CFAP299: variants seen among roughly 807,000 people sequenced by gnomAD.
CFAP299 encodes the protein cilia and flagella associated protein 299.
A neutral mutation model predicts 27.0 loss-of-function variants in CFAP299; 21 were observed. That is an observed-to-expected ratio of 0.78 (90% confidence interval 0.55 to 1.12). The LOEUF is 1.12. CFAP299 is among the 50% of genes most tolerant of loss of function. The pLI is 0.00. For missense variants in CFAP299, 310 were observed against 276.6 expected, an observed-to-expected ratio of 1.12 and a Z score of -0.86; for synonymous variants, 104 against 98.1, an observed-to-expected ratio of 1.06 and a Z score of -0.36.
chr4:80,921,230 G>C (rs957569127), intron 4 of CFAP299, among the ~76,000 whole-genome samples: 1 of 152,074 alleles, frequency 6.6e-6, no homozygotes, highest in African/African-American at 2.4e-5. Context: ...AGATAAATAA[G>C]ACACAATTCC....
In CFAP299 at chr4:80,530,496, A is replaced by T. The variant is rs1394517239; in HGVS notation, c.243-52597A>T. Among the ~76,000 whole-genome samples, 6 of 152,112 alleles carry T rather than the reference A, an allele frequency of 3.9e-5. 1 individual carries two copies. The highest frequency in any genetic ancestry group is 8.8e-5 in the Non-Finnish European group (6 of 68,016). On this transcript the variant is annotated intron_variant, in intron 2 of 5. Transcript: ENST00000358105. Reference sequence around the variant, plus strand: ...TAAGGCTTTTCATCTTTTCATCTAAACAGTAATGTCTATTAAGTCATTCAA... The same window carrying T: ...TAAGGCTTTTCATCTTTTCATCTAATCAGTAATGTCTATTAAGTCATTCAA...
chr4:80,857,026 C>G (rs1222268808), intron 3 of CFAP299, among the ~76,000 whole-genome samples: 1 of 152,008 alleles, frequency 6.6e-6, no homozygotes, highest in Non-Finnish European at 1.5e-5. Context: ...TTGATTCTTC[C>G]TACCCATGAG....
intron 2 of CFAP299, among the ~76,000 whole-genome samples, chr4:80,565,666 G>A (rs1735244489): frequency 1.3e-5 from 2 of 151,830 alleles, no homozygotes; most frequent in African/African-American, 4.8e-5. Flanking sequence ...ATTTAAAAAT[G>A]ACCTTTTGCA....
At chr4:80,534,273 G>T (rs6850160) in intron 2 of CFAP299, among the ~76,000 whole-genome samples, 1 of 147,926 alleles carries the variant, frequency 6.8e-6, no homozygotes, top group Admixed American at 6.7e-5. Context: ...TTCCTTAAAA[G>T]CGTAAGTTAT....
chr4:80,721,448 C>G (rs1722806388), intron 3 of CFAP299, among the ~76,000 whole-genome samples: 1 of 152,166 alleles, frequency 6.6e-6, no homozygotes, highest in South Asian at 2.1e-4. Flanking sequence ...TTAACATCAT[C>G]TTCCCTCTGT....
At chr4:80,630,050 T>C (rs949611364) in intron 3 of CFAP299, among the ~76,000 whole-genome samples, 2 of 151,990 alleles carry the variant, frequency 1.3e-5, no homozygotes, top group Non-Finnish European at 2.9e-5. Flanking sequence ...GAACTGATCA[T>C]AGGACTGAGA....
chr4:80,809,742 A>T (rs1168743057), intron 3 of CFAP299, among the ~76,000 whole-genome samples: 1 of 152,058 alleles, frequency 6.6e-6, no homozygotes, highest in Non-Finnish European at 1.5e-5. Context: ...CAGGACAGAG[A>T]CCAGGTTTCC....
At chr4:80,572,969 C>T (rs1601513) in intron 2 of CFAP299, among the ~76,000 whole-genome samples, 141,388 of 152,202 alleles carry the variant, frequency 0.93, 65,741 homozygotes, top group East Asian at 1. Context: ...TGATATACTT[C>T]GTTTTGGGTA....
intron 1 of CFAP299, among the ~76,000 whole-genome samples, chr4:80,342,506 A>T (rs1722505078): frequency 6.6e-6 from 1 of 152,190 alleles, no homozygotes; most frequent in Non-Finnish European, 1.5e-5. Context: ...GAGATTGCAG[A>T]CCAATGTTCA....
chr4:80,628,407 T>C (rs898934236), intron 3 of CFAP299, among the ~76,000 whole-genome samples: 38 of 151,998 alleles, frequency 2.5e-4, no homozygotes, highest in African/African-American at 9.2e-4. Context: ...AGAAAAACTA[T>C]GACATTTATC....
intron 3 of CFAP299, among the ~76,000 whole-genome samples, chr4:80,799,285 GTATAAATATATTTATATAATATTTATATA>G (rs1560416215): frequency 1.9e-3 from 142 of 74,322 alleles, no homozygotes; most frequent in East Asian, 6.8e-3. Context: ...TATATATATT[GTATAAATATATTTATATAATATTTATATA>G]TATAAATATA....
rs184306550 is a variant in CFAP299, at chr4:80,619,045, A to G, written c.333+35862A>G. On this transcript the variant is annotated intron_variant, in intron 3 of 5. Transcript: ENST00000358105. ...TACTTTTTGAAGTCATTCAGAAATTAGAGACAATTTTAAGCAGTTGAATAT... is the reference window on the plus strand; with the variant it reads ...TACTTTTTGAAGTCATTCAGAAATTGGAGACAATTTTAAGCAGTTGAATAT... Among the ~76,000 whole-genome samples the G allele has an allele frequency of 2.2e-4, 34 of 152,278 alleles. No homozygotes were observed. The East Asian group carries it at 3.5e-3, about 16-fold the overall frequency.
intron 3 of CFAP299, among the ~76,000 whole-genome samples, chr4:80,692,365 G>C (rs1234826317): frequency 6.6e-6 from 1 of 152,106 alleles, no homozygotes; most frequent in Non-Finnish European, 1.5e-5. Flanking sequence ...CAATGGAACA[G>C]AACAGAGCCC....
intron 5 of CFAP299, among the ~76,000 whole-genome samples, chr4:80,947,112 C>T (rs888079910): frequency 2.9e-4 from 44 of 152,096 alleles, no homozygotes; most frequent in African/African-American, 9.9e-4. Context: ...TTAACTCAAA[C>T]TCAAACTTCC....
At chr4:80,562,910 C>G (rs1735111548) in intron 2 of CFAP299, among the ~76,000 whole-genome samples, 1 of 151,332 alleles carries the variant, frequency 6.6e-6, no homozygotes, top group African/African-American at 2.4e-5. Context: ...TTATATCAGA[C>G]AAAAAAATGT....
At chr4:80,932,361 G>C (rs1378970383) in intron 4 of CFAP299, among the ~76,000 whole-genome samples, 1 of 151,840 alleles carries the variant, frequency 6.6e-6, no homozygotes. Flanking sequence ...TCATAAATAG[G>C]AGCCAAGTTA....
intron 3 of CFAP299, among the ~76,000 whole-genome samples, chr4:80,868,820 A>G (rs1355890019): frequency 1.3e-5 from 2 of 149,788 alleles, no homozygotes; most frequent in Non-Finnish European, 3.0e-5. Context: ...AGTTTGGTTC[A>G]TCTCTCATTT....
chr4:80,817,620 G>T (rs1729486176), intron 3 of CFAP299, among the ~76,000 whole-genome samples: 1 of 152,030 alleles, frequency 6.6e-6, no homozygotes, highest in African/African-American at 2.4e-5. Flanking sequence ...CTTCATGAGA[G>T]CAGGTACCAT....
At chr4:80,342,459 A>G (rs1471939987) in intron 1 of CFAP299, among the ~76,000 whole-genome samples, 6 of 152,250 alleles carry the variant, frequency 3.9e-5, no homozygotes, top group African/African-American at 1.4e-4. Context: ...TATTAGACTG[A>G]CAGTGGACCT....
Sources: gnomAD v4.1 joint callset for allele counts (sites outside exome capture counted in the v4.1 genomes callset) on GRCh38, gnomAD v4.1.1 for gene constraint, MANE v1.5 for transcripts, NCBI Gene and HGNC (gene_info 2026-07-23, HGNC 2026-07-21) for gene names.